The following ZNF391 variants were observed in gnomAD, a reference collection of about 807,000 sequenced individuals.
The protein encoded by ZNF391 is zinc finger protein 391.
For missense variants in ZNF391, 375 were observed against 425.5 expected (o/e 0.88, Z 1.04); for synonymous variants, 126 against 142.1 (o/e 0.89, Z 0.80).
At chr6:27,380,528 C>G (rs962862489) in intron 1 of ZNF391, among the ~76,000 whole-genome samples, 5 of 151,962 alleles carry the variant, frequency 3.3e-5, no homozygotes, top group Non-Finnish European at 7.4e-5. Flanking sequence ...TTAATGCAAA[C>G]AGTGAAACAA....
At chr6:27,375,906 C>T (rs1317073594) in intron 1 of ZNF391, among the ~76,000 whole-genome samples, 1 of 152,164 alleles carries the variant, frequency 6.6e-6, no homozygotes, top group Non-Finnish European at 1.5e-5. Context: ...CATAGGAACT[C>T]AAAGACACCG....
intron 1 of ZNF391, among the ~76,000 whole-genome samples, chr6:27,375,297 G>A (rs995867244): frequency 1.3e-5 from 2 of 152,186 alleles, no homozygotes; most frequent in African/African-American, 2.4e-5. Context: ...GAGATTTAGG[G>A]TTTGGGGCGT....
intron 1 of ZNF391, among the ~76,000 whole-genome samples, chr6:27,380,439 A>G (rs909423078): frequency 2.0e-5 from 3 of 152,198 alleles, no homozygotes; most frequent in Non-Finnish European, 4.4e-5. Flanking sequence ...CGCTGGCTTC[A>G]AGAGTGAAGC....
chr6:27,394,813 C>G (rs913382963), intron 1 of ZNF391, among the ~76,000 whole-genome samples: 1 of 152,242 alleles, frequency 6.6e-6, no homozygotes, highest in Non-Finnish European at 1.5e-5. Flanking sequence ...GAACCCACCC[C>G]TTGCATCATT....
Position 27,401,062 on chromosome 6 carries a change from G to A in ZNF391, c.692G>A (p.Gly231Asp). The change falls in exon 3 of 3, where the codon GGT becomes GAT. Residue 231 changes from glycine (G) to aspartate (D), a missense_variant. Gly to Asp is a moderately conservative substitution (Grantham distance 94). Coordinates refer to ENST00000244576, the MANE Select transcript of ZNF391 (RefSeq NM_001076781.3). Reference sequence around the variant, plus strand: ...TGTAATGAATGTGGGAAAGCCTTCGGTGACCGTTCAACCATAATTCAGCAT... The same window carrying A: ...TGTAATGAATGTGGGAAAGCCTTCGATGACCGTTCAACCATAATTCAGCAT... ...YKCNECGKAF[G>D]DRSTIIQHQR... 1.2e-6 allele frequency: 2 copies of A among 1,614,206 alleles called. No homozygotes were observed. Among genetic ancestry groups the A allele is most frequent in the South Asian group, 2.2e-5 (2 of 91,084 alleles).
chr6:27,391,904 G>A (rs939295956), intron 1 of ZNF391, among the ~76,000 whole-genome samples: 3 of 152,008 alleles, frequency 2.0e-5, no homozygotes, highest in East Asian at 1.9e-4. Flanking sequence ...TCTGAAACAC[G>A]GACCTTGAGA....
chr6:27,400,357 T>C lies in ZNF391; in HGVS notation c.-14T>C. 6.4e-7 allele frequency: 1 copy of C among 1,573,558 alleles called. No homozygotes were observed. Among genetic ancestry groups the C allele is most frequent in the Non-Finnish European group, 8.6e-7 (1 of 1,162,676 alleles). On this transcript the variant is annotated 5_prime_UTR_variant, in exon 3 of 3. Transcript: ENST00000244576. ...CAGACTGTTTCCGAAGAACTAGAGT[T>C]TTCTGGGTCAGCAATGGAAAGCCTC... is the stretch of plus-strand genomic sequence containing the variant.
chr6:27,396,920 C>T (rs1761838610), intron 1 of ZNF391, among the ~76,000 whole-genome samples: 1 of 152,112 alleles, frequency 6.6e-6, no homozygotes, highest in Non-Finnish European at 1.5e-5. Context: ...CCCTGGCCCC[C>T]ATTAAATTCT....
At chr6:27,398,845 C>A (rs1410260808) in intron 1 of ZNF391, among the ~76,000 whole-genome samples, 2 of 151,692 alleles carry the variant, frequency 1.3e-5, no homozygotes, top group African/African-American at 4.8e-5. Flanking sequence ...GGCAACAGAG[C>A]GAGACTCCAT....
upstream of ZNF391, among the ~76,000 whole-genome samples, chr6:27,384,062 A>G (rs1164065789): frequency 6.6e-6 from 1 of 152,220 alleles, no homozygotes; most frequent in Admixed American, 6.5e-5. Flanking sequence ...CAGAGAAACA[A>G]AAGTTTAAGG....
At chr6:27,399,984 T>A (rs1761911720) in intron 2 of ZNF391, among the ~76,000 whole-genome samples, 1 of 152,144 alleles carries the variant, frequency 6.6e-6, no homozygotes, top group Admixed American at 6.5e-5. Context: ...AATAGGTCAT[T>A]TTACCTTTTA....
In ZNF391 at chr6:27,376,687, C is replaced by T. The variant is rs1305354483; in HGVS notation, n.523+1550C>T. On this transcript the variant is annotated intron_variant and non_coding_transcript_variant, in intron 1 of 2. Transcript: ENST00000477999. The surrounding 1 kb of genome is among the most constrained non-coding windows in gnomAD (Gnocchi z 4.7). ...CCTGGCCAACATGGTGAAACCCCAT[C>T]TCTACTAAAAATACAAAAAAATTAG... 6.6e-6 allele frequency among the ~76,000 whole-genome samples: 1 copy of T among 152,018 alleles called. No individual in the cohort carries two copies. The highest frequency in any genetic ancestry group is 1.5e-5 in the Non-Finnish European group (1 of 68,014).
At chr6:27,377,675 A>G (rs1355633172) in intron 1 of ZNF391, among the ~76,000 whole-genome samples, 1 of 152,220 alleles carries the variant, frequency 6.6e-6, no homozygotes, top group Non-Finnish European at 1.5e-5. Flanking sequence ...TCCCTAAAAT[A>G]TATAAAACCT....
intron 1 of ZNF391, chr6:27,391,027 A>G (rs1423597160): frequency 6.6e-6 from 1 of 152,112 alleles, no homozygotes; most frequent in Non-Finnish European, 1.5e-5. Flanking sequence ...CTCATACCCC[A>G]TATGAAGAGA....
chr6:27,386,114 G>T (rs540711008), upstream of ZNF391, among the ~76,000 whole-genome samples: 41 of 152,252 alleles, frequency 2.7e-4, no homozygotes, highest in South Asian at 1.7e-3. Flanking sequence ...AAAATTTATA[G>T]AATGCTGTGA....
intron 1 of ZNF391, among the ~76,000 whole-genome samples, chr6:27,383,606 G>T (rs146378471): frequency 1.4e-3 from 211 of 152,296 alleles, no homozygotes; most frequent in African/African-American, 4.9e-3. Flanking sequence ...TTCACATAGT[G>T]GAGAGCAGAG....
At position 27,401,497 on chromosome 6, in the gene ZNF391, C is replaced by G; in HGVS notation, c.*50C>G. 1 of 1,333,842 alleles carries G rather than the reference C, an allele frequency of 7.5e-7. No homozygotes were observed. The highest frequency in any genetic ancestry group is 1.0e-6 in the Non-Finnish European group (1 of 973,278). The allele number at this position is 1,333,842 out of a possible 1,614,324, so 82.6% of individuals were successfully genotyped here. ...CATAAGAACACATATACCTAACCTC[C>G]CACCACTGAAATATATATATTTCAA... On this transcript the variant is annotated 3_prime_UTR_variant, in exon 3 of 3. Transcript: ENST00000244576.
chr6:27,389,534 G>A (rs974229099), intron 1 of ZNF391: 6 of 427,994 alleles, frequency 1.4e-5, no homozygotes, highest in African/African-American at 1.0e-4. Flanking sequence ...TTGCTTGGCC[G>A]GGCGCAGTGG....
chr6:27,386,701 A>C (rs1421325267), upstream of ZNF391, among the ~76,000 whole-genome samples: 5 of 152,218 alleles, frequency 3.3e-5, no homozygotes, highest in Non-Finnish European at 5.9e-5. Flanking sequence ...CTGGATATCC[A>C]AATGCAAAAT....
Sources: allele counts gnomAD v4.1 joint callset (sites outside exome capture counted in the v4.1 genomes callset), GRCh38; gene constraint gnomAD v4.1.1; non-coding constraint Gnocchi (gnomAD v3.1); transcripts MANE v1.5; gene names NCBI Gene and HGNC (gene_info 2026-07-23, HGNC 2026-07-21).